The following PRELID2 variants were observed in gnomAD, a reference collection of about 807,000 sequenced individuals.
PRELID2 encodes PRELI domain containing 2.
A neutral mutation model predicts 28.4 loss-of-function variants in PRELID2; 25 were observed. The ratio of observed to expected loss-of-function variants is 0.88; its 90% CI spans 0.64 to 1.23. The LOEUF (loss-of-function observed/expected upper bound fraction) is 1.23. Among genes scored for constraint, PRELID2 ranks in the 50% most tolerant of loss-of-function variants. The pLI, the probability that PRELID2 is intolerant of heterozygous loss-of-function variation, is 0.00. For synonymous variants in PRELID2, 76 were observed against 71.6 expected, an observed-to-expected ratio of 1.06 and a Z score of -0.31; for missense variants, 201 against 214.4, an observed-to-expected ratio of 0.94 and a Z score of 0.39.
At chr5:145,631,517 A>T (rs1005663878) in intron 1 of PRELID2, among the ~76,000 whole-genome samples, 4 of 152,162 alleles carry the variant, frequency 2.6e-5, no homozygotes, top group African/African-American at 9.7e-5. Flanking sequence ...TCAATAAGAC[A>T]ATAGGTCATC....
intron 3 of PRELID2, chr5:145,819,400 CAG>C (rs1754598274): frequency 6.2e-7 from 1 of 1,602,798 alleles, no homozygotes; most frequent in Non-Finnish European, 8.5e-7. Flanking sequence ...AAAGAATCAC[CAG>C]AGTGCTTAAG....
chr5:145,697,033 TTATATATATATATATATATATA>T (rs36117637), intron 1 of PRELID2, among the ~76,000 whole-genome samples: 208 of 50,652 alleles, frequency 4.1e-3, no homozygotes, highest in African/African-American at 9.2e-3. Flanking sequence ...GAGAGGAAAA[TTATATATATATATATATATATA>T]TATATATATA....
At chr5:145,723,111 AG>A (rs1243981085) in intron 1 of PRELID2, among the ~76,000 whole-genome samples, 10 of 152,222 alleles carry the variant, frequency 6.6e-5, no homozygotes, top group African/African-American at 1.9e-4. Flanking sequence ...AGACCAATAT[AG>A]CTTATAAATA....
chr5:145,805,358 T>C (rs941284455), intron 4 of PRELID2, among the ~76,000 whole-genome samples: 4 of 152,144 alleles, frequency 2.6e-5, no homozygotes, highest in African/African-American at 7.2e-5. Flanking sequence ...TTAACAAGAA[T>C]TTTGCAAAAA....
At chr5:145,390,715 G>A in the PRELID2 span, among the ~76,000 whole-genome samples, 1 of 152,108 alleles carries the variant, frequency 6.6e-6, no homozygotes, top group African/African-American at 2.4e-5. Context: ...CAAAGTCTTA[G>A]TTCATTCCAG....
chr5:145,257,848 T>C, the PRELID2 span, among the ~76,000 whole-genome samples: 3,582 of 152,210 alleles, frequency 0.024, 139 homozygotes, highest in African/African-American at 0.082. Context: ...TCAAGTCAAA[T>C]TGTAATCCCC....
chr5:145,712,807 G>A (rs1267762452), intron 1 of PRELID2, among the ~76,000 whole-genome samples: 1 of 151,658 alleles, frequency 6.6e-6, no homozygotes, highest in Non-Finnish European at 1.5e-5. Flanking sequence ...AGACAACAGT[G>A]GGCTATTTCA....
At chr5:145,565,279 T>C (rs111392119) in intron 1 of PRELID2, among the ~76,000 whole-genome samples, 51 of 152,376 alleles carry the variant, frequency 3.3e-4, no homozygotes, top group African/African-American at 1.2e-3. Context: ...CATTTGCCAG[T>C]GGCGATCAGG....
intron 1 of PRELID2, among the ~76,000 whole-genome samples, chr5:145,540,430 C>T (rs1401094253): frequency 6.6e-6 from 1 of 151,844 alleles, no homozygotes; most frequent in Non-Finnish European, 1.5e-5. Context: ...TGGTACTATC[C>T]ATAAAGGAAC....
the PRELID2 span, among the ~76,000 whole-genome samples, chr5:145,345,514 A>G: frequency 6.6e-6 from 1 of 152,062 alleles, no homozygotes; most frequent in African/African-American, 2.4e-5. Flanking sequence ...TGGCAGAAAG[A>G]TGGAAAATTC....
chr5:145,616,622 G>A (rs975435416), intron 1 of PRELID2, among the ~76,000 whole-genome samples: 2 of 152,156 alleles, frequency 1.3e-5, no homozygotes, highest in Admixed American at 1.3e-4. Flanking sequence ...CAAAAGGGGA[G>A]GGAGTGTACA....
At position 145,677,143 on chromosome 5, in the gene PRELID2, T is replaced by C. The variant is rs934062169; in HGVS notation, n.70+87788A>G. 8.0e-5 allele frequency among the ~76,000 whole-genome samples: 12 copies of C among 150,436 alleles called. No individual in the cohort carries two copies. In the East Asian group the frequency reaches 2.3e-3, roughly 29 times the overall value. Reference sequence around the variant, plus strand: ...ATTATGTTTTTTATGTTTTTGTTTTTTGGTTTTGGTTTTTTTTTTTTTTTT... The same window carrying C: ...ATTATGTTTTTTATGTTTTTGTTTTCTGGTTTTGGTTTTTTTTTTTTTTTT... On this transcript the variant is annotated intron_variant and non_coding_transcript_variant, in intron 1 of 2. Transcript: ENST00000510259.
At chr5:145,284,130 T>C in the PRELID2 span, among the ~76,000 whole-genome samples, 1 of 152,218 alleles carries the variant, frequency 6.6e-6, no homozygotes, top group Non-Finnish European at 1.5e-5. Flanking sequence ...AATATCTTCC[T>C]CATGTGTTTA....
chr5:145,429,033 T>C, the PRELID2 span, among the ~76,000 whole-genome samples: 4,204 of 152,238 alleles, frequency 0.028, 164 homozygotes, highest in African/African-American at 0.089. Context: ...GGACTTCTGC[T>C]TTCCATGAGA....
At chr5:145,742,169 AT>A (rs1240800728) in intron 1 of PRELID2, among the ~76,000 whole-genome samples, 3 of 113,876 alleles carry the variant, frequency 2.6e-5, no homozygotes, top group South Asian at 2.7e-4. Context: ...AAATTTATTT[AT>A]TAATTATAAA....
In PRELID2 at chr5:145,615,318, C is replaced by CTTT. The variant is rs1403386842; in HGVS notation, n.71-142006_71-142004dup. The stretch of plus-strand genomic sequence containing the variant: ...GAGTCCTTATGTGTTATGTGAGTCT[C>CTTT]TTTTTTTTGTTTTTTTTTTTTTTTT... On this transcript the variant is annotated intron_variant and non_coding_transcript_variant, in intron 1 of 2. Coordinates refer to the PRELID2 transcript ENST00000510259. Among the ~76,000 whole-genome samples, 13 of 115,056 alleles carry CTTT rather than the reference C, an allele frequency of 1.1e-4. 2 individuals are homozygous for CTTT. Among genetic ancestry groups the CTTT allele is most frequent in the African/African-American group, 3.9e-4 (10 of 25,334 alleles). The allele number at this position is 115,056 out of a possible 152,430, so 75.5% of individuals were successfully genotyped here.
In PRELID2 at chr5:145,823,094, AT is replaced by A; in HGVS notation, c.115del (p.Ile39SerfsTer29). The A allele has an allele frequency of 6.5e-7, 1 of 1,531,142 alleles. No homozygotes were observed. The highest frequency in any genetic ancestry group is 9.0e-7 in the Non-Finnish European group (1 of 1,105,024). 94.8% of individuals were successfully genotyped at this position (1,531,142 alleles called of 1,614,324 possible). On this transcript the variant is annotated frameshift_variant, in exon 2 of 7. Coordinates refer to ENST00000683046, the MANE Select transcript of PRELID2 (RefSeq NM_205846.3). LOFTEE classifies it high-confidence loss of function. ...GAACTTACCTCTTTTTTCCTCCATG[AT>A]TTTTACTGAGATGACATTTTTATCC... ...PMDKNVISVK[I>X]MEEKRDESTG... is the part of the protein sequence containing the mutation.
the PRELID2 span, among the ~76,000 whole-genome samples, chr5:145,413,049 G>C: frequency 3.9e-5 from 6 of 152,192 alleles, no homozygotes; most frequent in South Asian, 1.2e-3. Context: ...TTCAAGATGA[G>C]ATTTTAGGTG....
intron 1 of PRELID2, among the ~76,000 whole-genome samples, chr5:145,522,556 A>C (rs1752571995): frequency 6.6e-6 from 1 of 152,198 alleles, no homozygotes; most frequent in African/African-American, 2.4e-5. Context: ...CTTTTCCCAA[A>C]TGATGGCGTG....
Sources: gnomAD v4.1 joint callset for allele counts (sites outside exome capture counted in the v4.1 genomes callset) on GRCh38, gnomAD v4.1.1 for gene constraint, MANE v1.5 for transcripts, NCBI Gene and HGNC (gene_info 2026-07-23, HGNC 2026-07-21) for gene names.